The following PAQR3 variants were observed in gnomAD, a reference collection of about 807,000 sequenced individuals.
PAQR3 encodes progestin and adipoQ receptor family member 3.
Under a neutral mutation model 41.7 loss-of-function variants are expected in PAQR3, and 39 were observed. That is an observed-to-expected ratio of 0.93 (90% CI 0.72 to 1.22). The LOEUF is 1.22. PAQR3 is among the 50% of genes most tolerant of loss of function. PAQR3 has a pLI of 0.00. For synonymous variants in PAQR3, 140 were observed against 140.6 expected, an observed-to-expected ratio of 1.00 and a Z score of 0.03; for missense variants, 366 against 385.6, an observed-to-expected ratio of 0.95 and a Z score of 0.42.
chr4:78,887,310 C>A, intron 12 of PAQR3: 1 of 1,490,360 alleles, frequency 6.7e-7, no homozygotes, highest in Non-Finnish European at 9.3e-7. Context: ...AACATCATCA[C>A]TGTCACAAAT....
At chr4:78,909,226 T>C (rs530232711), downstream of PAQR3, among the ~76,000 whole-genome samples, 23 of 151,990 alleles carry the variant, frequency 1.5e-4, no homozygotes, top group South Asian at 2.3e-3. Flanking sequence ...TTAGTAGAGA[T>C]GGGGTTTCAC....
intron 3 of PAQR3, among the ~76,000 whole-genome samples, chr4:78,929,216 G>GT (rs894374802): frequency 9.8e-5 from 15 of 152,304 alleles, no homozygotes; most frequent in Non-Finnish European, 1.9e-4. Context: ...TCTATTCTTT[G>GT]TAACTAGGAC....
intron 11 of PAQR3, among the ~76,000 whole-genome samples, chr4:78,900,260 ATTAG>A (rs1733926710): frequency 1.3e-5 from 2 of 152,194 alleles, no homozygotes; most frequent in Non-Finnish European, 2.9e-5. Flanking sequence ...AAAATATGTT[ATTAG>A]TTGATTATGT....
intron 11 of PAQR3, among the ~76,000 whole-genome samples, chr4:78,899,655 ATTTT>A (rs538919816): frequency 1.4e-5 from 2 of 146,228 alleles, no homozygotes; most frequent in South Asian, 4.4e-4. Context: ...TGAAGAAAGA[ATTTT>A]TTTTTTTTTT....
At chr4:78,891,973 A>G (rs1430708551) in intron 11 of PAQR3, among the ~76,000 whole-genome samples, 1 of 152,202 alleles carries the variant, frequency 6.6e-6, no homozygotes, top group Non-Finnish European at 1.5e-5. Flanking sequence ...AACCTAGTTG[A>G]CCATGATTTC....
intron 11 of PAQR3, among the ~76,000 whole-genome samples, chr4:78,897,350 A>G (rs1395771548): frequency 6.6e-6 from 1 of 152,156 alleles, no homozygotes; most frequent in Non-Finnish European, 1.5e-5. Context: ...ATATTAAATT[A>G]TGGCTTATTT....
intron 11 of PAQR3, among the ~76,000 whole-genome samples, chr4:78,893,830 G>T (rs1277551513): frequency 6.6e-6 from 1 of 152,214 alleles, no homozygotes; most frequent in Non-Finnish European, 1.5e-5. Context: ...CTCCAGAGTA[G>T]CTGGGATTAT....
downstream of PAQR3, among the ~76,000 whole-genome samples, chr4:78,910,097 A>G (rs566329063): frequency 6.6e-6 from 1 of 152,330 alleles, no homozygotes; most frequent in Admixed American, 6.5e-5. Flanking sequence ...TGCTAAGTCA[A>G]TTCAAAAGAT....
chr4:78,892,230 AG>A (rs1465878931), intron 11 of PAQR3, among the ~76,000 whole-genome samples: 2 of 152,138 alleles, frequency 1.3e-5, no homozygotes, highest in Admixed American at 6.5e-5. Flanking sequence ...CTTTGTGAAA[AG>A]GTTTTTAATT....
At position 78,935,165 on chromosome 4, in the gene PAQR3, T is replaced by C. The variant is rs760827719; in HGVS notation, c.304A>G (p.Arg102Gly). Reference protein sequence around the residue: ...TSVLPSASASREDFVICSICL... With the variant: ...TSVLPSASASGEDFVICSICL... ...ATAGAACAAATTACAAAATCTTCTCTGGACGCACTTGCTGAAGGTAACACA... is the reference window on the plus strand; with the variant it reads ...ATAGAACAAATTACAAAATCTTCTCCGGACGCACTTGCTGAAGGTAACACA... The change falls in exon 2 of 6, where the codon AGA becomes GGA. Residue 102 changes from arginine (R) to glycine (G), a missense_variant. By Grantham distance (125) the Arg-to-Gly change is moderately radical (BLOSUM62 -2). Coordinates refer to ENST00000512733, the MANE Select transcript of PAQR3 (RefSeq NM_001040202.2). The C allele has an allele frequency of 1.1e-5, 18 of 1,613,876 alleles. No homozygotes were observed. In the Middle Eastern group the frequency reaches 6.6e-4, roughly 59 times the overall value.
intron 2 of PAQR3, chr4:78,930,537 T>C (rs974510261): frequency 1.6e-5 from 6 of 366,510 alleles, no homozygotes; most frequent in African/African-American, 2.1e-5. Context: ...CCCTCATGGG[T>C]AAAATGTAGA....
intron 11 of PAQR3, chr4:78,899,154 T>C (rs1733867125): frequency 6.6e-6 from 1 of 152,242 alleles, no homozygotes; most frequent in Admixed American, 6.5e-5. Flanking sequence ...ACCCCTTCTC[T>C]TAAAGTAAGT....
At position 78,919,990 on chromosome 4, in the gene PAQR3, A is replaced by G. The variant is rs1356783466; in HGVS notation, c.*549T>C. ...TATCTAATGTTCTTAGGGAGAGAAGAACCTATAGCTAAAGGATATAATATC... is the reference window on the plus strand; with the variant it reads ...TATCTAATGTTCTTAGGGAGAGAAGGACCTATAGCTAAAGGATATAATATC... On this transcript the variant is annotated 3_prime_UTR_variant, in exon 6 of 6. Coordinates refer to ENST00000512733, the MANE Select transcript of PAQR3 (RefSeq NM_001040202.2). The G allele has an allele frequency of 1.0e-6, 1 of 985,376 alleles. No homozygotes were observed. Among genetic ancestry groups the G allele is most frequent in the South Asian group, 4.7e-5 (1 of 21,272 alleles). The allele number at this position is 985,376 out of a possible 1,614,324, so 61.0% of individuals were successfully genotyped here. A position where few individuals can be genotyped will look rare whatever the true frequency, so the allele number is the denominator to read the frequency against.
chr4:78,897,417 T>C (rs936085085), intron 11 of PAQR3, among the ~76,000 whole-genome samples: 3 of 151,992 alleles, frequency 2.0e-5, no homozygotes, highest in Non-Finnish European at 2.9e-5. Context: ...TATGTAGCAA[T>C]GTACAAATGT....
rs1734726240 is a variant in PAQR3, at chr4:78,912,815, AAGAG to A, written c.*7720_*7723del. On this transcript the variant is annotated 3_prime_UTR_variant, in exon 6 of 6. Transcript: ENST00000512733. ...CACAGAAGCCTAGAACAAAAATATG[AAGAG>A]AAATATCTGACATTTGTAAAGAAAT... is the stretch of plus-strand genomic sequence containing the variant. 6.6e-6 allele frequency: 1 copy of A among 152,196 alleles called. No individual in the cohort carries two copies. Among genetic ancestry groups the A allele is most frequent in the African/African-American group, 2.4e-5 (1 of 41,452 alleles). The allele number at this position is 152,196 out of a possible 1,614,324, so 9.4% of individuals were successfully genotyped here.
In PAQR3 at chr4:78,919,652, T is replaced by TGCTGGGAACCCCCACC. The variant is rs1324030637; in HGVS notation, c.*871_*886dup. On this transcript the variant is annotated 3_prime_UTR_variant, in exon 6 of 6. Coordinates refer to ENST00000512733, the MANE Select transcript of PAQR3 (RefSeq NM_001040202.2). ...ATGGCCTTGCAAGTAGCACCCACAATGCTGGGAACCCCCACCACTGGGATA... is the reference window on the plus strand; with the variant it reads ...ATGGCCTTGCAAGTAGCACCCACAATGCTGGGAACCCCCACCGCTGGGAACCCCCACCACTGGGATA... The TGCTGGGAACCCCCACC allele has an allele frequency of 9.1e-6, 9 of 985,008 alleles. No individual in the cohort carries two copies. Among genetic ancestry groups the TGCTGGGAACCCCCACC allele is most frequent in the Non-Finnish European group, 1.1e-5 (9 of 829,794 alleles). The allele number at this position is 985,008 out of a possible 1,614,324, so 61.0% of individuals were successfully genotyped here.
intron 3 of PAQR3, 111 bp downstream of exon 3, chr4:78,930,059 T>C (rs1736678029): frequency 2.9e-6 from 3 of 1,035,328 alleles, no homozygotes; most frequent in Non-Finnish European, 4.2e-6. Flanking sequence ...GAGACTCTTC[T>C]ATTTAGTCTA....
chr4:78,935,172 A>T lies in PAQR3; in HGVS notation c.297T>A (p.Ser99Arg). 6.2e-7 allele frequency: 1 copy of T among 1,613,954 alleles called. No homozygotes were observed. The highest frequency in any genetic ancestry group is 8.5e-7 in the Non-Finnish European group (1 of 1,179,890). The change falls in exon 2 of 6, where the codon AGT becomes AGA. Residue 99 changes from serine (S) to arginine (R), a missense_variant. Physicochemically the swap from Ser to Arg is moderately radical, Grantham distance 110. Transcript: ENST00000512733. ...AAATTACAAAATCTTCTCTGGACGC[A>T]CTTGCTGAAGGTAACACAGATGTCA... ...YDMTSVLPSA[S>R]ASREDFVICS...
chr4:78,904,694 A>G (rs928302080), intron 11 of PAQR3, among the ~76,000 whole-genome samples: 1 of 151,944 alleles, frequency 6.6e-6, no homozygotes, highest in African/African-American at 2.4e-5. Flanking sequence ...AGAAGTAAAG[A>G]ATTGAAAGAG....
Sources: allele counts gnomAD v4.1 joint callset (sites outside exome capture counted in the v4.1 genomes callset), GRCh38; gene constraint gnomAD v4.1.1; transcripts MANE v1.5; gene names NCBI Gene and HGNC (gene_info 2026-07-23, HGNC 2026-07-21).